Variants in PLAGL1 observed in about 807,000 individuals in gnomAD.
PLAGL1 encodes zinc finger protein PLAGL1.
Under a neutral mutation model 4.6 loss-of-function variants are expected in PLAGL1, and 1 was observed. The observed-to-expected ratio is 0.22, with a 90% CI of 0.08 to 1.03. The LOEUF (loss-of-function observed/expected upper bound fraction) is 1.03. PLAGL1 is among the 50% of genes least tolerant of loss of function. The pLI, the probability that PLAGL1 is intolerant of heterozygous loss-of-function variation, is 0.58. For missense variants in PLAGL1, 464 were observed against 570.4 expected (o/e 0.81, Z 1.90); for synonymous variants, 240 against 237.8 (o/e 1.01, Z -0.08).
Position 143,973,175 on chromosome 6 carries a change from A to G in PLAGL1, c.-543-4197T>C, listed in dbSNP as rs890665289. On this transcript the variant is annotated intron_variant, in intron 2 of 7. Coordinates refer to ENST00000674357, the MANE Select transcript of PLAGL1 (RefSeq NM_001317162.2). This position sits in a 1 kb window ranked among gnomAD's most constrained non-coding sequence, Gnocchi z 6.2. ...CAAAGCTAGTTAGGCAGAGCCATTC[A>G]TTCCTTCAGGAAAACAGGGCATTGA... Among the ~76,000 whole-genome samples the G allele has an allele frequency of 6.6e-6, 1 of 152,198 alleles. No individual in the cohort carries two copies. Among genetic ancestry groups the G allele is most frequent in the Non-Finnish European group, 1.5e-5 (1 of 68,036 alleles).
intron 1 of PLAGL1, among the ~76,000 whole-genome samples, chr6:144,045,000 C>CTTTTTTTTTTTTTTTTTTT (rs138373370): frequency 4.2e-5 from 2 of 47,322 alleles, no homozygotes; most frequent in Non-Finnish European, 7.8e-5. Context: ...GCAACCCCTG[C>CTTTTTTTTTTTTTTTTTTT]TTTTTTTTTT....
At position 143,990,665 on chromosome 6, in the gene PLAGL1, A is replaced by G. The variant is rs988085774; in HGVS notation, c.-583-5491T>C. 2.0e-5 allele frequency among the ~76,000 whole-genome samples: 3 copies of G among 152,200 alleles called. No individual in the cohort carries two copies. Among genetic ancestry groups the G allele is most frequent in the Admixed American group, 1.3e-4 (2 of 15,282 alleles). ...TTTAAAAACCAGGACACTGAGGCTC[A>G]AGAGAGATTACTAGGTTGAGATAGT... is the stretch of plus-strand genomic sequence containing the variant. On this transcript the variant is annotated intron_variant, in intron 1 of 7. Transcript: ENST00000674357. This position sits in a 1 kb window ranked among gnomAD's most constrained non-coding sequence, Gnocchi z 5.4.
chr6:143,941,574 C>T lies in PLAGL1; in HGVS notation c.1242G>A (p.Arg414=), dbSNP rs1778582643. 1 of 1,603,062 alleles carries T rather than the reference C, an allele frequency of 6.2e-7. No homozygotes were observed. The highest frequency in any genetic ancestry group is 8.5e-7 in the Non-Finnish European group (1 of 1,173,932). The change falls in exon 8 of 8, where the codon AGG becomes AGA. Residue 414 remains arginine (R), a synonymous_variant. Transcript: ENST00000674357. The surrounding 1 kb of genome is among the most constrained non-coding windows in gnomAD (Gnocchi z 6.0). ...GCTGCTGCTGCCCCAGACAGCTTAA[C>T]CTGTGGGGCAAAGATTCCCCAGGCC... ...ALGPGESLPH[R]LSCLGQQQQE...
intron 1 of PLAGL1, among the ~76,000 whole-genome samples, chr6:144,002,883 C>CTTTTTTTTTTTTTTTTTTTTTTTTTTT (rs34276412): frequency 6.9e-6 from 1 of 144,038 alleles, no homozygotes. Context: ...TTCTGGTAGG[C>CTTTTTTTTTTTTTTTTTTTTTTTTTTT]TTTTTTTTTT....
In PLAGL1 at chr6:143,990,267, T is replaced by C. The variant is rs1790168646; in HGVS notation, c.-583-5093A>G. 6.6e-6 allele frequency among the ~76,000 whole-genome samples: 1 copy of C among 152,124 alleles called. No homozygotes were observed. On this transcript the variant is annotated intron_variant, in intron 1 of 7. Transcript: ENST00000674357. This position sits in a 1 kb window ranked among gnomAD's most constrained non-coding sequence, Gnocchi z 5.4. ...TCCCAAGTAGCTGGGATTACAGGCA[T>C]GTGCCACCATGCCCAGCTAATTTTT...
At chr6:143,981,234 T>C (rs1393560707) in intron 2 of PLAGL1, among the ~76,000 whole-genome samples, 3 of 146,540 alleles carry the variant, frequency 2.0e-5, no homozygotes, top group Non-Finnish European at 4.5e-5. Flanking sequence ...ATATACAAGG[T>C]TTTTCCACTC....
In PLAGL1 at chr6:143,945,123, T is replaced by A. The variant is rs1243417179; in HGVS notation, c.153-2460A>T. ...ATCTACTTCTTTCCCTTTTAATTTA[T>A]CCCTTACTTACTCAACAATCCTGAT... On this transcript the variant is annotated intron_variant, in intron 7 of 7. Transcript: ENST00000674357. The surrounding 1 kb of genome is among the most constrained non-coding windows in gnomAD (Gnocchi z 4.2). Among the ~76,000 whole-genome samples the A allele has an allele frequency of 6.6e-6, 1 of 152,226 alleles. No homozygotes were observed. The highest frequency in any genetic ancestry group is 2.4e-5 in the African/African-American group (1 of 41,464).
chr6:143,997,517 A>T lies in PLAGL1; in HGVS notation c.-584+10573T>A, dbSNP rs1455575299. Among the ~76,000 whole-genome samples the T allele has an allele frequency of 6.6e-6, 1 of 152,242 alleles. No individual in the cohort carries two copies. The highest frequency in any genetic ancestry group is 2.4e-5 in the African/African-American group (1 of 41,464). On this transcript the variant is annotated intron_variant, in intron 1 of 7. Coordinates refer to ENST00000674357, the MANE Select transcript of PLAGL1 (RefSeq NM_001317162.2). This position sits in a 1 kb window ranked among gnomAD's most constrained non-coding sequence, Gnocchi z 4.6. Reference sequence around the variant, plus strand: ...AATTTACGCTGAATAAAAGCCAGACACAAAAGAGTACATCCTGTTTGGTTA... The same window carrying T: ...AATTTACGCTGAATAAAAGCCAGACTCAAAAGAGTACATCCTGTTTGGTTA...
At chr6:143,998,748 G>GA (rs576521624) in intron 1 of PLAGL1, among the ~76,000 whole-genome samples, 4 of 151,974 alleles carry the variant, frequency 2.6e-5, no homozygotes, top group African/African-American at 7.2e-5. Flanking sequence ...AACAGAGCTT[G>GA]AAAAAAAATG....
At chr6:144,011,470 T>C (rs1274778360), upstream of PLAGL1, among the ~76,000 whole-genome samples, 1 of 152,214 alleles carries the variant, frequency 6.6e-6, no homozygotes, top group Non-Finnish European at 1.5e-5. This position sits in a 1 kb window ranked among gnomAD's most constrained non-coding sequence, Gnocchi z 4.3. Flanking sequence ...TGAAGAATTC[T>C]TTAACATTAA....
chr6:144,002,749 A>G (rs1793179649), intron 1 of PLAGL1, among the ~76,000 whole-genome samples: 1 of 152,172 alleles, frequency 6.6e-6, no homozygotes, highest in South Asian at 2.1e-4. Context: ...TCTATACTGA[A>G]TATACAAAAC....
Position 143,970,847 on chromosome 6 carries a change from T to C in PLAGL1, c.-543-1869A>G, listed in dbSNP as rs1583302187. Among the ~76,000 whole-genome samples, 1 of 152,226 alleles carries C rather than the reference T, an allele frequency of 6.6e-6. No homozygotes were observed. The highest frequency in any genetic ancestry group is 2.1e-4 in the South Asian group (1 of 4,836). ...TTGAAGTTATCTGATTCTATAAGCA[T>C]AGCAAGACCACAATTTTTAACTGCA... On this transcript the variant is annotated intron_variant, in intron 2 of 7. Transcript: ENST00000674357. This position sits in a 1 kb window ranked among gnomAD's most constrained non-coding sequence, Gnocchi z 5.8.
rs1778334940 is a variant in PLAGL1, at chr6:143,940,389, T to G, written c.*1035A>C. 1 of 152,224 alleles carries G rather than the reference T, an allele frequency of 6.6e-6. No homozygotes were observed. The highest frequency in any genetic ancestry group is 2.1e-4 in the South Asian group (1 of 4,830). The allele number at this position is 152,224 out of a possible 1,614,324, so 9.4% of individuals were successfully genotyped here. A position where few individuals can be genotyped will look rare whatever the true frequency, so the allele number is the denominator to read the frequency against. On this transcript the variant is annotated 3_prime_UTR_variant, in exon 8 of 8. Transcript: ENST00000674357. ...AAGACAATGGAGCTTTAAAAAAGGT[T>G]AGGTTTTACATCTTTAAAACTCATT... is the stretch of plus-strand genomic sequence containing the variant.
At chr6:143,946,021 T>G (rs1052958023) in intron 7 of PLAGL1, among the ~76,000 whole-genome samples, 2 of 150,072 alleles carry the variant, frequency 1.3e-5, no homozygotes, top group African/African-American at 4.9e-5. Context: ...CAGTTTACCA[T>G]AGTAAATTAT....
rs1785340771 is a variant in PLAGL1 at position 143,971,143 on chromosome 6, C to T, written c.-543-2165G>A. ...AATACTTATGAGGGTGAGAGTCTAC[C>T]AATGATCAAAGTCATGGTAATTTTT... On this transcript the variant is annotated intron_variant, in intron 2 of 7. Coordinates refer to ENST00000674357, the MANE Select transcript of PLAGL1 (RefSeq NM_001317162.2). The surrounding 1 kb of genome is among the most constrained non-coding windows in gnomAD (Gnocchi z 4.7). 1.3e-5 allele frequency among the ~76,000 whole-genome samples: 2 copies of T among 151,756 alleles called. No individual in the cohort carries two copies.
chr6:144,027,261 A>G lies in PLAGL1; in HGVS notation c.-151+37207T>C, dbSNP rs1310117149. 6.9e-6 allele frequency among the ~76,000 whole-genome samples: 1 copy of G among 145,844 alleles called. No homozygotes were observed. Among genetic ancestry groups the G allele is most frequent in the Admixed American group, 7.4e-5 (1 of 13,566 alleles). ...AAAGAAAGAAAGAAAGAAAGAAAGA[A>G]AGAAAGAAAGAAAGAAAGAAAGAAA... On this transcript the variant is annotated intron_variant, in intron 1 of 3. Coordinates refer to the PLAGL1 transcript ENST00000437412. This position sits in a 1 kb window ranked among gnomAD's most constrained non-coding sequence, Gnocchi z 5.8.
At chr6:144,042,250 C>G (rs1395894987) in intron 1 of PLAGL1, among the ~76,000 whole-genome samples, 1 of 152,148 alleles carries the variant, frequency 6.6e-6, no homozygotes, top group Non-Finnish European at 1.5e-5. Flanking sequence ...AGTCCTTGCC[C>G]ATCCTATGTC....
chr6:144,030,281 A>AAAAAAAAAAAAAG lies in PLAGL1; in HGVS notation c.-151+34186_-151+34187insCTTTTTTTTTTTT, dbSNP rs1296064916. Among the ~76,000 whole-genome samples the AAAAAAAAAAAAAG allele has an allele frequency of 9.0e-4, 119 of 132,946 alleles. 9 individuals are homozygous for AAAAAAAAAAAAAG. Among genetic ancestry groups the AAAAAAAAAAAAAG allele is most frequent in the African/African-American group, 3.3e-3 (104 of 31,628 alleles). 87.2% of individuals were successfully genotyped at this position (132,946 alleles called of 152,430 possible). ...AAAAAAAAAAAAAAAAAAAAAAAAA[A>AAAAAAAAAAAAAG]AAGAAGATGTAAATTTTAATACAAT... On this transcript the variant is annotated intron_variant, in intron 1 of 3. Transcript: ENST00000437412.
rs1175788519 is a variant in PLAGL1 at position 144,056,962 on chromosome 6, T to C, written c.-151+7506A>G. Reference sequence around the variant, plus strand: ...ATGCCTGACTCTCATTTCTTTTTAGTGCTAAATAATGTCCCATTGGCTGGA... The same window carrying C: ...ATGCCTGACTCTCATTTCTTTTTAGCGCTAAATAATGTCCCATTGGCTGGA... On this transcript the variant is annotated intron_variant, in intron 1 of 3. Transcript: ENST00000437412. The surrounding 1 kb of genome is among the most constrained non-coding windows in gnomAD (Gnocchi z 4.7). 3.9e-5 allele frequency among the ~76,000 whole-genome samples: 6 copies of C among 152,206 alleles called. No homozygotes were observed. The highest frequency in any genetic ancestry group is 7.3e-5 in the Non-Finnish European group (5 of 68,032).
Sources: allele counts gnomAD v4.1 joint callset (sites outside exome capture counted in the v4.1 genomes callset), GRCh38; gene constraint gnomAD v4.1.1; non-coding constraint Gnocchi (gnomAD v3.1); transcripts MANE v1.5; gene names NCBI Gene and HGNC (gene_info 2026-07-23, HGNC 2026-07-21).